Variants in ZRANB3 observed in about 807,000 individuals in gnomAD.
ZRANB3 encodes zinc finger RANBP2-type containing 3.
In ZRANB3, 125 loss-of-function variants were observed where a neutral mutation model predicts 133.8. That is an observed-to-expected ratio of 0.93 (90% confidence interval 0.81 to 1.08). ZRANB3 has a LOEUF of 1.08. Ranked by LOEUF, ZRANB3 falls within the 50% of genes least tolerant of loss-of-function variation. ZRANB3 has a pLI of 0.00. For missense variants in ZRANB3, 1,229 were observed against 1,275.5 expected, an observed-to-expected ratio of 0.96 and a Z score of 0.56; for synonymous variants, 387 against 432.7, an observed-to-expected ratio of 0.89 and a Z score of 1.31.
intron 8 of ZRANB3, among the ~76,000 whole-genome samples, chr2:135,312,115 A>AT (rs201623200): frequency 7.2e-6 from 1 of 138,776 alleles, no homozygotes; most frequent in Admixed American, 6.9e-5. Flanking sequence ...CATTGTATTT[A>AT]TTTTTTTATT....
At chr2:135,327,764 T>C (rs1041912867) in intron 6 of ZRANB3, among the ~76,000 whole-genome samples, 3 of 152,150 alleles carry the variant, frequency 2.0e-5, no homozygotes, top group African/African-American at 7.2e-5. Context: ...TCATCTGCCT[T>C]GTAGGATTGT....
chr2:135,527,918 C>A (rs1331304670), intron 1 of ZRANB3, among the ~76,000 whole-genome samples: 2 of 152,160 alleles, frequency 1.3e-5, no homozygotes, highest in Non-Finnish European at 2.9e-5. Context: ...GTATTACGTA[C>A]ATGGCAAAAG....
At chr2:135,269,192 T>C in intron 10 of ZRANB3, 51 bp from the exon 11 acceptor site, 1 of 1,420,570 alleles carries the variant, frequency 7.0e-7, no homozygotes, top group Non-Finnish European at 9.4e-7. Context: ...AGCCAATATA[T>C]AATAAAGTAT....
intron 2 of ZRANB3, among the ~76,000 whole-genome samples, chr2:135,459,361 A>C (rs1690666770): frequency 6.6e-6 from 1 of 152,214 alleles, no homozygotes; most frequent in South Asian, 2.1e-4. Context: ...CAGCTTACTG[A>C]GACAATGTCA....
intron 8 of ZRANB3, among the ~76,000 whole-genome samples, chr2:135,294,811 G>A (rs948666726): frequency 6.6e-6 from 1 of 151,880 alleles, no homozygotes; most frequent in African/African-American, 2.4e-5. Context: ...TGTTCTCGTT[G>A]GTTTCAAAGA....
intron 7 of ZRANB3, 37 bp from the exon 8 acceptor site, chr2:135,313,642 C>A: frequency 1.5e-6 from 2 of 1,328,716 alleles, no homozygotes; most frequent in Middle Eastern, 1.8e-4. Context: ...ATGAATATAG[C>A]ATAACGAACA....
intron 3 of ZRANB3, 21 bp downstream of exon 3, chr2:135,390,781 A>G (rs746850506): frequency 6.4e-7 from 1 of 1,556,850 alleles, no homozygotes; most frequent in Non-Finnish European, 8.7e-7. Flanking sequence ...TAAAAGACAT[A>G]AAAACCATTG....
chr2:135,278,029 AAAAC>A (rs1437644909), intron 8 of ZRANB3, among the ~76,000 whole-genome samples: 3 of 152,120 alleles, frequency 2.0e-5, no homozygotes, highest in Admixed American at 6.5e-5. Flanking sequence ...AAAGTCTCAG[AAAAC>A]AAACAGAGAA....
Position 135,421,413 on chromosome 2 carries a change from G to A in ZRANB3, c.162-30593C>T, listed in dbSNP as rs966383666. The stretch of plus-strand genomic sequence containing the variant: ...TTCCATGGATAACTGTAATTATGGA[G>A]AGGCCTCCTTTTACAAAGTAGACTT... On this transcript the variant is annotated intron_variant, in intron 2 of 20. Transcript: ENST00000264159. 2.0e-5 allele frequency among the ~76,000 whole-genome samples: 3 copies of A among 152,162 alleles called. No homozygotes were observed. The East Asian group carries it at 5.8e-4, about 29-fold the overall frequency.
intron 4 of ZRANB3, among the ~76,000 whole-genome samples, chr2:135,351,059 A>G (rs1380290162): frequency 3.9e-5 from 6 of 152,144 alleles, no homozygotes; most frequent in African/African-American, 1.4e-4. Context: ...GTAGAATGAA[A>G]TAATTAGACA....
chr2:135,483,769 A>T (rs1691958545), intron 2 of ZRANB3, among the ~76,000 whole-genome samples: 2 of 152,202 alleles, frequency 1.3e-5, no homozygotes, highest in Non-Finnish European at 2.9e-5. Flanking sequence ...ATTTCCCTCT[A>T]CACACTGCTT....
chr2:135,360,231 A>T (rs887750034), intron 3 of ZRANB3, among the ~76,000 whole-genome samples: 4 of 151,870 alleles, frequency 2.6e-5, no homozygotes, highest in African/African-American at 9.7e-5. Flanking sequence ...ATACAAAAAA[A>T]TTAGCCCGGC....
At chr2:135,446,340 T>G (rs1458170143) in intron 2 of ZRANB3, among the ~76,000 whole-genome samples, 1 of 152,184 alleles carries the variant, frequency 6.6e-6, no homozygotes, top group Non-Finnish European at 1.5e-5. Context: ...CTTATAATAC[T>G]TCTTGTCTGA....
chr2:135,297,313 G>C (rs761435137), intron 8 of ZRANB3, among the ~76,000 whole-genome samples: 1 of 152,212 alleles, frequency 6.6e-6, no homozygotes, highest in Non-Finnish European at 1.5e-5. Context: ...CCACCTTGCA[G>C]TTTGATCTCA....
chr2:135,253,255 T>C (rs1172904539), intron 12 of ZRANB3, among the ~76,000 whole-genome samples: 2 of 152,158 alleles, frequency 1.3e-5, no homozygotes, highest in Non-Finnish European at 2.9e-5. Flanking sequence ...TTGTTTGCTG[T>C]GCTCACAGTG....
intron 2 of ZRANB3, among the ~76,000 whole-genome samples, chr2:135,396,085 G>A (rs1687475780): frequency 6.6e-6 from 1 of 152,186 alleles, no homozygotes; most frequent in Non-Finnish European, 1.5e-5. Flanking sequence ...CGACAGCATT[G>A]ATCATCAGAG....
intron 2 of ZRANB3, among the ~76,000 whole-genome samples, chr2:135,407,829 G>T (rs1688111713): frequency 7.6e-6 from 1 of 130,768 alleles, no homozygotes; most frequent in African/African-American, 4.0e-5. Flanking sequence ...AATTCAAGAT[G>T]GATTAAAGAC....
At chr2:135,352,373 G>T (rs1013130131) in intron 4 of ZRANB3, among the ~76,000 whole-genome samples, 5 of 151,526 alleles carry the variant, frequency 3.3e-5, no homozygotes, top group Non-Finnish European at 5.9e-5. Context: ...AATAAATAAG[G>T]TATACCAAAC....
At chr2:135,388,483 C>T (rs16831582) in intron 3 of ZRANB3, among the ~76,000 whole-genome samples, 15,808 of 152,154 alleles carry the variant, frequency 0.1, 1,075 homozygotes, top group South Asian at 0.32. Context: ...TAAGATTTTT[C>T]ACCATGACTT....
Sources: allele counts gnomAD v4.1 joint callset (sites outside exome capture counted in the v4.1 genomes callset), GRCh38; gene constraint gnomAD v4.1.1; transcripts MANE v1.5; gene names NCBI Gene and HGNC (gene_info 2026-07-23, HGNC 2026-07-21).